The following PSD3 variants were observed in gnomAD, a reference collection of about 807,000 sequenced individuals.
PSD3 encodes the protein PH and SEC7 domain-containing protein 3.
In PSD3, 49 loss-of-function variants were observed where a neutral mutation model predicts 105.5. That is an observed-to-expected ratio of 0.46 (90% CI 0.37 to 0.59). PSD3 has a LOEUF of 0.59. Among genes scored for constraint, PSD3 ranks in the 20% least tolerant of loss-of-function variants. The pLI is 0.00. For synonymous variants in PSD3, 557 were observed against 457.8 expected (o/e 1.22, Z -2.77); for missense variants, 1,561 against 1,263.8 (o/e 1.24, Z -3.57).
intron 1 of PSD3, among the ~76,000 whole-genome samples, chr8:18,995,624 G>A (rs1826035781): frequency 6.6e-6 from 1 of 151,934 alleles, no homozygotes; most frequent in Non-Finnish European, 1.5e-5. Context: ...ACATGCCCGG[G>A]ACTCAGTAAT....
chr8:19,050,805 G>C (rs1387878206), intron 1 of PSD3, among the ~76,000 whole-genome samples: 2 of 152,072 alleles, frequency 1.3e-5, no homozygotes, highest in African/African-American at 2.4e-5. Flanking sequence ...CCTGCACATT[G>C]TGCATATGTA....
chr8:18,698,150 G>A (rs1347552986), intron 9 of PSD3, among the ~76,000 whole-genome samples: 1 of 152,202 alleles, frequency 6.6e-6, no homozygotes, highest in Non-Finnish European at 1.5e-5. Context: ...CCAGGCTCAA[G>A]TGCAGTGGTG....
At chr8:19,062,450 C>G (rs2129477609) in intron 1 of PSD3, among the ~76,000 whole-genome samples, 1 of 152,250 alleles carries the variant, frequency 6.6e-6, no homozygotes, top group African/African-American at 2.4e-5. Flanking sequence ...GAGACTTGTT[C>G]AAGTCATGCA....
intron 10 of PSD3, among the ~76,000 whole-genome samples, chr8:18,649,867 T>C (rs982117460): frequency 1.3e-5 from 2 of 152,198 alleles, no homozygotes; most frequent in Admixed American, 6.5e-5. Context: ...CCATGTGAAG[T>C]GCTGACTCCC....
chr8:19,048,511 A>G (rs1231208472), intron 1 of PSD3, among the ~76,000 whole-genome samples: 1 of 151,886 alleles, frequency 6.6e-6, no homozygotes, highest in Admixed American at 6.6e-5. Flanking sequence ...TACTCAAAGC[A>G]GTTTAACTGC....
chr8:18,625,238 G>A (rs1225843844), intron 11 of PSD3, among the ~76,000 whole-genome samples: 2 of 150,608 alleles, frequency 1.3e-5, no homozygotes, highest in African/African-American at 5.0e-5. Flanking sequence ...ATAAATTACG[G>A]AAGAATTTTT....
In PSD3 at chr8:18,556,293, C is replaced by T. The variant is rs1801069197; in HGVS notation, c.2844G>A (p.Glu948=). 1.2e-6 allele frequency: 2 copies of T among 1,613,934 alleles called. No homozygotes were observed. The highest frequency in any genetic ancestry group is 2.2e-5 in the East Asian group (1 of 44,886). Residue 948 remains glutamate (E), a synonymous_variant, in exon 15 of 16, where the codon GAG becomes GAA. Transcript: ENST00000327040. ...KLKQITTELA[E]HRSYPPDKKV... ...TCTTGTCGGGGGGATATGAGCGGTG[C>T]TCGGCCAGCTCGGTGGTGATCTGCT...
intron 4 of PSD3, among the ~76,000 whole-genome samples, chr8:18,813,633 T>C (rs1811911588): frequency 6.6e-6 from 1 of 152,210 alleles, no homozygotes; most frequent in Non-Finnish European, 1.5e-5. Flanking sequence ...GCAATGATTA[T>C]TAATTTAGAA....
chr8:18,897,063 T>C (rs1183544025), intron 2 of PSD3, among the ~76,000 whole-genome samples: 5 of 152,184 alleles, frequency 3.3e-5, no homozygotes, highest in Admixed American at 2.6e-4. Flanking sequence ...CACCTGAGCC[T>C]CCCAAAGTGC....
intron 8 of PSD3, among the ~76,000 whole-genome samples, chr8:18,792,786 G>C (rs78564754): frequency 0.038 from 5,839 of 152,220 alleles, 333 homozygotes; most frequent in African/African-American, 0.13. Flanking sequence ...CAAGGATCTG[G>C]AACTAGAAAT....
chr8:18,754,763 T>G (rs73199959), intron 9 of PSD3, among the ~76,000 whole-genome samples: 10,167 of 152,190 alleles, frequency 0.067, 561 homozygotes, highest in African/African-American at 0.15. Flanking sequence ...TTTAGTCATT[T>G]TAAAAAAAGA....
intron 4 of PSD3, among the ~76,000 whole-genome samples, chr8:18,820,725 T>C (rs929384555): frequency 6.6e-6 from 1 of 152,248 alleles, no homozygotes; most frequent in Non-Finnish European, 1.5e-5. Flanking sequence ...AACAGTCTGC[T>C]GTATGCAGTT....
At chr8:19,072,041 C>T (rs534130982) in intron 1 of PSD3, among the ~76,000 whole-genome samples, 12 of 151,496 alleles carry the variant, frequency 7.9e-5, no homozygotes, top group South Asian at 6.3e-4. Context: ...GTTAGAGGAC[C>T]CTGATGCACA....
intron 9 of PSD3, among the ~76,000 whole-genome samples, chr8:18,749,582 G>C (rs1805306453): frequency 6.6e-6 from 1 of 152,308 alleles, no homozygotes; most frequent in East Asian, 1.9e-4. Context: ...AATAGAGGGA[G>C]ATTATTCTGG....
chr8:19,030,553 T>C (rs967546805), intron 1 of PSD3, among the ~76,000 whole-genome samples: 3 of 152,152 alleles, frequency 2.0e-5, no homozygotes, highest in Non-Finnish European at 2.9e-5. Flanking sequence ...CTTTCTCTCT[T>C]GCTCTTGCTT....
chr8:18,914,275 C>A (rs1479087352), intron 2 of PSD3, among the ~76,000 whole-genome samples: 2 of 151,452 alleles, frequency 1.3e-5, no homozygotes, highest in Non-Finnish European at 2.9e-5. Flanking sequence ...CCCTATGTGA[C>A]AAGCCCACAG....
intron 4 of PSD3, among the ~76,000 whole-genome samples, chr8:18,826,934 A>T (rs1454463250): frequency 6.6e-6 from 1 of 152,176 alleles, no homozygotes; most frequent in Non-Finnish European, 1.5e-5. Context: ...AGCTCACACC[A>T]AAGTGATATG....
intron 1 of PSD3, among the ~76,000 whole-genome samples, chr8:19,049,786 C>T (rs180708050): frequency 8.6e-5 from 13 of 151,570 alleles, no homozygotes; most frequent in Non-Finnish European, 1.6e-4. Context: ...TTTCTCTCCT[C>T]GGCCTCCTGA....
At chr8:19,049,955 T>C (rs1466229960) in intron 1 of PSD3, among the ~76,000 whole-genome samples, 2 of 152,120 alleles carry the variant, frequency 1.3e-5, no homozygotes, top group African/African-American at 4.8e-5. Flanking sequence ...ATGGAGCAAT[T>C]AAAATTCCTA....
Sources: gnomAD v4.1 joint callset for allele counts (sites outside exome capture counted in the v4.1 genomes callset) on GRCh38, gnomAD v4.1.1 for gene constraint, MANE v1.5 for transcripts, NCBI Gene and HGNC (gene_info 2026-07-23, HGNC 2026-07-21) for gene names.